The following CMYA5 variants were observed in gnomAD, a reference collection of about 807,000 sequenced individuals.
The protein encoded by CMYA5 is cardiomyopathy associated 5.
A neutral mutation model predicts 318.9 loss-of-function variants in CMYA5; 246 were observed. The ratio of observed to expected loss-of-function variants is 0.77; its 90% CI spans 0.70 to 0.86. The LOEUF is 0.86. CMYA5 is among the 40% of genes least tolerant of loss of function. The pLI, the probability that CMYA5 is intolerant of heterozygous loss-of-function variation, is 0.00. For synonymous variants in CMYA5, 1,641 were observed against 1,729.5 expected (o/e 0.95, Z 1.27); for missense variants, 4,589 against 4,678.2 (o/e 0.98, Z 0.56).
At chr5:79,727,604 A>T (rs1173474362) in intron 1 of CMYA5, among the ~76,000 whole-genome samples, 2 of 152,224 alleles carry the variant, frequency 1.3e-5, no homozygotes, top group East Asian at 1.9e-4. Flanking sequence ...AAATATGTTT[A>T]TGAAGTGATG....
chr5:79,796,309 TTTTG>T (rs1383118536), intron 12 of CMYA5, among the ~76,000 whole-genome samples: 2 of 150,012 alleles, frequency 1.3e-5, no homozygotes, highest in Non-Finnish European at 3.0e-5. Flanking sequence ...GAATTTTAAA[TTTTG>T]TTTAACTTTA....
chr5:79,727,129 T>A (rs1312814171), intron 1 of CMYA5, among the ~76,000 whole-genome samples: 1 of 152,070 alleles, frequency 6.6e-6, no homozygotes, highest in Non-Finnish European at 1.5e-5. Flanking sequence ...TTGGCCAGGC[T>A]GGTCTCAAAC....
At position 79,729,129 on chromosome 5, in the gene CMYA5, T is replaced by C. The variant is rs776331483; in HGVS notation, c.364T>C (p.Ser122Pro). Reference protein sequence around the residue: ...STVNSPPGNVSFIVDEVKKVR... With the variant: ...STVNSPPGNVPFIVDEVKKVR... ...TGTGAATTCTCCTCCTGGAAATGTT[T>C]CCTTTATTGTGGATGAAGTGAAAAA... Residue 122 changes from serine to proline, a missense_variant, in exon 2 of 13, where the codon TCC becomes CCC. By Grantham distance (74) the Ser-to-Pro change is moderately conservative. Transcript: ENST00000446378. The C allele has an allele frequency of 8.1e-5, 130 of 1,613,106 alleles. No homozygotes were observed. The highest frequency in any genetic ancestry group is 1.0e-4 in the Non-Finnish European group (119 of 1,179,570).
chr5:79,708,325 TAGAA>T (rs1461558916), intron 1 of CMYA5, among the ~76,000 whole-genome samples: 1 of 152,098 alleles, frequency 6.6e-6, no homozygotes. Context: ...ATCATAATAA[TAGAA>T]AGTAACATTT....
chr5:79,699,871 C>T (rs1827142031), intron 1 of CMYA5, among the ~76,000 whole-genome samples: 1 of 152,170 alleles, frequency 6.6e-6, no homozygotes, highest in Non-Finnish European at 1.5e-5. Flanking sequence ...AGAGTTAGGA[C>T]CCCTAGTGCA....
intron 7 of CMYA5, among the ~76,000 whole-genome samples, chr5:79,760,694 T>A (rs935253593): frequency 3.3e-5 from 5 of 152,176 alleles, no homozygotes. Context: ...CCCACCAGGC[T>A]CTTCCTCCAA....
intron 2 of CMYA5, among the ~76,000 whole-genome samples, chr5:79,740,699 A>C (rs907443949): frequency 6.6e-5 from 10 of 152,166 alleles, no homozygotes; most frequent in Non-Finnish European, 1.2e-4. Context: ...CTGAGATACT[A>C]TTGGAATGTA....
At position 79,735,952 on chromosome 5, in the gene CMYA5, C is replaced by T; in HGVS notation, c.7187C>T (p.Ala2396Val). 6.2e-7 allele frequency: 1 copy of T among 1,611,854 alleles called. No individual in the cohort carries two copies. Among genetic ancestry groups the T allele is most frequent in the Non-Finnish European group, 8.5e-7 (1 of 1,179,278 alleles). ...QQPKSASSNF[A>V]SKNITKESEK... The stretch of plus-strand genomic sequence containing the variant: ...CCAAAATCAGCTTCCTCCAACTTTG[C>T]AAGTAAAAATATCACAAAGGAATCA... The change falls in exon 2 of 13, where the codon GCA becomes GTA. Residue 2396 changes from alanine to valine, a missense_variant. Physicochemically the swap from Ala to Val is moderately conservative, Grantham distance 64. Transcript: ENST00000446378.
intron 1 of CMYA5, among the ~76,000 whole-genome samples, chr5:79,706,712 A>G (rs909187312): frequency 2.0e-5 from 3 of 151,866 alleles, no homozygotes; most frequent in Non-Finnish European, 4.4e-5. Flanking sequence ...ACGTCCATTC[A>G]TAGGCTCTCT....
chr5:79,776,352 A>T (rs1828938604), intron 9 of CMYA5, among the ~76,000 whole-genome samples: 1 of 152,218 alleles, frequency 6.6e-6, no homozygotes, highest in African/African-American at 2.4e-5. Flanking sequence ...CTCAATCCTG[A>T]TTTAACCAAG....
chr5:79,799,755 A>G lies in CMYA5; in HGVS notation c.*139A>G. ...GATGGCTGCATGCATAGCAATCAGC[A>G]TGTGAGCAAAATCGACAAGAAAACC... On this transcript the variant is annotated 3_prime_UTR_variant, in exon 13 of 13. Coordinates refer to ENST00000446378, the MANE Select transcript of CMYA5 (RefSeq NM_153610.5). 8.7e-7 allele frequency: 1 copy of G among 1,151,626 alleles called. No homozygotes were observed. The allele number at this position is 1,151,626 out of a possible 1,614,324, so 71.3% of individuals were successfully genotyped here. A position where few individuals can be genotyped will look rare whatever the true frequency, so the allele number is the denominator to read the frequency against.
At chr5:79,787,224 C>A (rs6884750) in intron 9 of CMYA5, among the ~76,000 whole-genome samples, 1 of 152,060 alleles carries the variant, frequency 6.6e-6, no homozygotes, top group African/African-American at 2.4e-5. Flanking sequence ...TTCCCACCCC[C>A]GCCTCCTCAA....
intron 1 of CMYA5, among the ~76,000 whole-genome samples, chr5:79,701,956 T>C (rs1203108320): frequency 3.3e-5 from 5 of 151,766 alleles, no homozygotes; most frequent in Non-Finnish European, 5.9e-5. Context: ...TGAAACTCCA[T>C]CTCTACTAAA....
In CMYA5 at chr5:79,739,310, C is replaced by T; in HGVS notation, c.10545C>T (p.Thr3515=). 1 of 1,596,386 alleles carries T rather than the reference C, an allele frequency of 6.3e-7. No homozygotes were observed. The highest frequency in any genetic ancestry group is 8.5e-7 in the Non-Finnish European group (1 of 1,171,484). ...KKSQIDTYCY[T]CKCPISATDK... ...CCCAGATTGACACATACTGTTACACCTGCAAATGTCCAATTTCTGCCACTG... is the reference window on the plus strand; with the variant it reads ...CCCAGATTGACACATACTGTTACACTTGCAAATGTCCAATTTCTGCCACTG... The change falls in exon 2 of 13, where the codon ACC becomes ACT. Residue 3515 remains threonine, a synonymous_variant. Transcript: ENST00000446378.
intron 1 of CMYA5, among the ~76,000 whole-genome samples, chr5:79,697,007 C>CA (rs77068414): frequency 0.056 from 7,682 of 137,278 alleles, 235 homozygotes; most frequent in East Asian, 0.11. Flanking sequence ...AACTCCATCT[C>CA]AAAAAAAAAA....
In CMYA5 at chr5:79,735,646, T is replaced by A; in HGVS notation, c.6881T>A (p.Ile2294Asn). The part of the protein sequence containing the change: ...VSREDYGKKE[I>N]SGDSEEMNIN... ...AGGGAAGATTATGGAAAAAAAGAAA[T>A]CTCAGGCGATTCAGAGGAAATGAAC... Residue 2294 changes from isoleucine to asparagine, a missense_variant, in exon 2 of 13, where the codon ATC becomes AAC. This residue lies in a region of CMYA5 where 2,431 missense variants were observed against 2,495.1 expected (regional missense o/e 0.97). Transcript: ENST00000446378. The A allele has an allele frequency of 1.2e-6, 2 of 1,613,392 alleles. No homozygotes were observed. Among genetic ancestry groups the A allele is most frequent in the Non-Finnish European group, 1.7e-6 (2 of 1,179,700 alleles).
chr5:79,712,457 CCCT>C (rs1001333159), intron 1 of CMYA5, among the ~76,000 whole-genome samples: 1 of 152,038 alleles, frequency 6.6e-6, no homozygotes, highest in African/African-American at 2.4e-5. Flanking sequence ...AAATGATCCA[CCCT>C]CCTCAGCCTC....
At chr5:79,719,258 T>C (rs1014056087) in intron 1 of CMYA5, among the ~76,000 whole-genome samples, 11 of 152,170 alleles carry the variant, frequency 7.2e-5, no homozygotes, top group Admixed American at 6.5e-4. Flanking sequence ...TCATATTTTT[T>C]CACTTATAAA....
At position 79,689,879 on chromosome 5, in the gene CMYA5, C is replaced by T. The variant is rs1554097392; in HGVS notation, c.-29C>T. The stretch of plus-strand genomic sequence containing the variant: ...AGGCGCGGCGCGGGCGGCTCCGGCT[C>T]CGGCCCCGGCCCAGGCCCGGGAGAG... On this transcript the variant is annotated 5_prime_UTR_variant, in exon 1 of 13. Transcript: ENST00000446378. 1 of 680,840 alleles carries T rather than the reference C, an allele frequency of 1.5e-6. No individual in the cohort carries two copies. Among genetic ancestry groups the T allele is most frequent in the Non-Finnish European group, 2.5e-6 (1 of 394,570 alleles). The allele number at this position is 680,840 out of a possible 1,614,324, so 42.2% of individuals were successfully genotyped here. A position where few individuals can be genotyped will look rare whatever the true frequency, so the allele number is the denominator to read the frequency against.
Sources: allele counts gnomAD v4.1 joint callset (sites outside exome capture counted in the v4.1 genomes callset), GRCh38; gene constraint gnomAD v4.1.1; regional missense constraint gnomAD v4.1.1; transcripts MANE v1.5; gene names NCBI Gene and HGNC (gene_info 2026-07-23, HGNC 2026-07-21).